SIDT1: variants seen among roughly 807,000 people sequenced by gnomAD.
The protein encoded by SIDT1 is SID1 transmembrane family member 1.
A neutral mutation model predicts 107.5 loss-of-function variants in SIDT1; 101 were observed. The ratio of observed to expected loss-of-function variants is 0.94; its 90% CI spans 0.80 to 1.11. The LOEUF (loss-of-function observed/expected upper bound fraction) is 1.11. Ranked by LOEUF, SIDT1 falls within the 50% of genes least tolerant of loss-of-function variation. The pLI is 0.00. For missense variants in SIDT1, 1,076 were observed against 1,058.2 expected, an observed-to-expected ratio of 1.02 and a Z score of -0.23; for synonymous variants, 395 against 398.2, an observed-to-expected ratio of 0.99 and a Z score of 0.10.
intron 20 of SIDT1, among the ~76,000 whole-genome samples, chr3:113,616,674 A>G (rs1946129388): frequency 6.6e-6 from 1 of 150,606 alleles, no homozygotes; most frequent in East Asian, 1.9e-4. Flanking sequence ...TAAAATTTGG[A>G]AATAAAAAAT....
chr3:113,586,195 A>T (rs1361900979), intron 9 of SIDT1, among the ~76,000 whole-genome samples: 1 of 152,202 alleles, frequency 6.6e-6, no homozygotes, highest in African/African-American at 2.4e-5. Context: ...TGCCTTCAAA[A>T]ACAGTAGATG....
At chr3:113,602,159 G>A (rs1379607896) in intron 11 of SIDT1, 3 of 153,098 alleles carry the variant, frequency 2.0e-5, no homozygotes, top group African/African-American at 2.4e-5. Flanking sequence ...GCAAACCCCA[G>A]TGTTCCTTAA....
At chr3:113,541,143 TACACACACAC>T (rs34408872) in intron 1 of SIDT1, among the ~76,000 whole-genome samples, 1 of 147,690 alleles carries the variant, frequency 6.8e-6, no homozygotes, top group Admixed American at 6.8e-5. Context: ...TACACACACA[TACACACACAC>T]ACACACACAC....
intron 18 of SIDT1, 41 bp from the exon 19 acceptor site, chr3:113,612,045 G>C (rs752588563): frequency 1.4e-6 from 2 of 1,452,434 alleles, no homozygotes; most frequent in Non-Finnish European, 1.9e-6. Context: ...AGTTTTCTAG[G>C]GAAAACCTCA....
intron 7 of SIDT1, 103 bp downstream of exon 7, chr3:113,583,599 G>T (rs183983804): frequency 7.8e-5 from 60 of 768,734 alleles, no homozygotes; most frequent in Non-Finnish European, 5.5e-5. Flanking sequence ...ACAAGGGTTG[G>T]TTCCATCATC....
intron 19 of SIDT1, among the ~76,000 whole-genome samples, chr3:113,614,904 T>C (rs1040302569): frequency 5.9e-5 from 9 of 152,228 alleles, no homozygotes; most frequent in South Asian, 4.1e-4. Context: ...AGATCCTATG[T>C]TCTCTTTGAC....
chr3:113,608,370 G>A (rs749382610), intron 16 of SIDT1, 49 bp from the exon 17 acceptor site: 2 of 1,525,842 alleles, frequency 1.3e-6, no homozygotes, highest in East Asian at 4.5e-5. Context: ...GTGACTTGGT[G>A]GATATGGCAC....
intron 1 of SIDT1, among the ~76,000 whole-genome samples, chr3:113,537,857 A>G (rs1938359621): frequency 6.6e-6 from 1 of 152,152 alleles, no homozygotes; most frequent in Admixed American, 6.5e-5. Context: ...ATCTCGGCTC[A>G]TTGCAACCTC....
chr3:113,583,340 AC>A lies in SIDT1; in HGVS notation c.748-64del, dbSNP rs945814911. On this transcript the variant is annotated intron_variant, in intron 6 of 24. Coordinates refer to ENST00000264852, the MANE Select transcript of SIDT1 (RefSeq NM_017699.3). Reference sequence around the variant, plus strand: ...CTCTTTCCTCTTTCTTTCTGCCCCTACCCCCAGGGACTTTCTCCCTTCTACC... The same window carrying A: ...CTCTTTCCTCTTTCTTTCTGCCCCTACCCCAGGGACTTTCTCCCTTCTACC... The A allele has an allele frequency of 5.1e-6, 6 of 1,166,374 alleles. No homozygotes were observed. In the Admixed American group the frequency reaches 5.5e-5, roughly 11 times the overall value. 72.3% of individuals were successfully genotyped at this position (1,166,374 alleles called of 1,614,324 possible).
chr3:113,598,088 G>A lies in SIDT1; in HGVS notation c.1046-3500G>A, dbSNP rs539266566. Among the ~76,000 whole-genome samples the A allele has an allele frequency of 8.5e-5, 13 of 152,274 alleles. 1 individual carries two copies. Among genetic ancestry groups the A allele is most frequent in the African/African-American group, 3.1e-4 (13 of 41,550 alleles). On this transcript the variant is annotated intron_variant, in intron 10 of 24. Transcript: ENST00000264852. ...CAGAATGAAAACATTTTTGCATGCT[G>A]GCAATGGTATTGCACATGAAAATCT...
In SIDT1 at chr3:113,611,128, T is replaced by C; in HGVS notation, c.1841T>C (p.Val614Ala). ...AYASFAVVIM[V>A]TVLGVVFGKN... ...GCCTCCTTTGCTGTGGTCATCATGG[T>C]CACCGTCCTTGGAGTGGTGCGTCCC... is the stretch of plus-strand genomic sequence containing the variant. Residue 614 changes from valine (V) to alanine (A), a missense_variant, in exon 18 of 25, where the codon GTC becomes GCC. Val to Ala is a moderately conservative substitution (Grantham distance 64, BLOSUM62 0). Transcript: ENST00000264852. 6.2e-7 allele frequency: 1 copy of C among 1,614,026 alleles called. No individual in the cohort carries two copies. The highest frequency in any genetic ancestry group is 1.1e-5 in the South Asian group (1 of 91,072).
intron 20 of SIDT1, among the ~76,000 whole-genome samples, chr3:113,617,343 G>A (rs2107775272): frequency 6.6e-6 from 1 of 152,312 alleles, no homozygotes; most frequent in East Asian, 1.9e-4. Context: ...TGAGCCCAGA[G>A]CTCAGGGCCC....
intron 6 of SIDT1, among the ~76,000 whole-genome samples, chr3:113,582,324 G>C (rs900241825): frequency 6.6e-6 from 1 of 152,158 alleles, no homozygotes; most frequent in Non-Finnish European, 1.5e-5. Context: ...GTTCCCTAGG[G>C]TAAGGTGATA....
intron 3 of SIDT1, among the ~76,000 whole-genome samples, chr3:113,570,134 G>A (rs1241207827): frequency 6.6e-6 from 1 of 152,060 alleles, no homozygotes; most frequent in African/African-American, 2.4e-5. Context: ...CGAACCCCTG[G>A]GCTCAAGCGA....
intron 3 of SIDT1, among the ~76,000 whole-genome samples, chr3:113,572,976 T>C (rs966481378): frequency 6.6e-6 from 1 of 150,552 alleles, no homozygotes; most frequent in African/African-American, 2.4e-5. Context: ...TGGAGGAGAC[T>C]ACAATAAAGA....
intron 3 of SIDT1, among the ~76,000 whole-genome samples, chr3:113,572,781 C>T (rs948695006): frequency 2.6e-5 from 4 of 152,190 alleles, no homozygotes; most frequent in Admixed American, 2.6e-4. Flanking sequence ...ATACTTGCAG[C>T]CTTCAGCCCT....
chr3:113,580,041 A>C (rs1333870715), intron 4 of SIDT1, among the ~76,000 whole-genome samples: 1 of 152,206 alleles, frequency 6.6e-6, no homozygotes, highest in African/African-American at 2.4e-5. Context: ...GGGACTCCAC[A>C]TGGGGCTTGG....
intron 3 of SIDT1, among the ~76,000 whole-genome samples, chr3:113,572,979 A>G (rs1040983092): frequency 6.7e-6 from 1 of 149,596 alleles, no homozygotes; most frequent in African/African-American, 2.5e-5. Context: ...AGGAGACTAC[A>G]ATAAAGATTT....
chr3:113,544,115 C>G (rs974733938), intron 1 of SIDT1, among the ~76,000 whole-genome samples: 1 of 151,938 alleles, frequency 6.6e-6, no homozygotes. Flanking sequence ...TAATTTTCCC[C>G]TTTTGGTCCA....
Sources: gnomAD v4.1 joint callset for allele counts (sites outside exome capture counted in the v4.1 genomes callset) on GRCh38, gnomAD v4.1.1 for gene constraint, MANE v1.5 for transcripts, NCBI Gene and HGNC (gene_info 2026-07-23, HGNC 2026-07-21) for gene names.